The following NBEA variants were observed in gnomAD, a reference collection of about 807,000 sequenced individuals.
NBEA encodes the protein neurobeachin.
Under a neutral mutation model 343.4 loss-of-function variants are expected in NBEA, and 44 were observed. That is an observed-to-expected ratio of 0.13 (90% CI 0.10 to 0.16). NBEA has a LOEUF of 0.16. Among genes scored for constraint, NBEA ranks in the 10% least tolerant of loss-of-function variants. NBEA has a pLI of 1.00. For synonymous variants in NBEA, 1,175 were observed against 1,238.7 expected (o/e 0.95, Z 1.08); for missense variants, 2,555 against 3,631.3 (o/e 0.70, Z 7.62).
In NBEA at chr13:35,105,977, G is replaced by C. The variant is rs1388355611; in HGVS notation, c.1681-3313G>C. On this transcript the variant is annotated intron_variant, in intron 11 of 58. Coordinates refer to ENST00000379939, the MANE Select transcript of NBEA (RefSeq NM_001385012.1). ...TGGAACAATCTCTCTTTATTGAATA[G>C]AAGTTTCTCTTTGTAACCTCTAGTG... Among the ~76,000 whole-genome samples the C allele has an allele frequency of 2.6e-5, 4 of 152,000 alleles. No homozygotes were observed. In the East Asian group the frequency reaches 7.7e-4, roughly 29 times the overall value.
intron 45 of NBEA, among the ~76,000 whole-genome samples, chr13:35,579,447 T>C (rs1593276603): frequency 6.6e-6 from 1 of 152,076 alleles, no homozygotes; most frequent in South Asian, 2.1e-4. Context: ...AGAAAAGGGC[T>C]TGGTACAATA....
intron 17 of NBEA, among the ~76,000 whole-genome samples, chr13:35,127,876 T>C (rs545751501): frequency 6.6e-6 from 1 of 151,894 alleles, no homozygotes; most frequent in East Asian, 1.9e-4. Flanking sequence ...ACATAAAATA[T>C]GAAATATCTA....
intron 55 of NBEA, among the ~76,000 whole-genome samples, chr13:35,660,062 C>G (rs138372207): frequency 2.2e-4 from 33 of 152,238 alleles, no homozygotes; most frequent in African/African-American, 7.9e-4. Flanking sequence ...ATATTACAAC[C>G]CATCTCTGAC....
Position 35,492,442 on chromosome 13 carries a change from G to C in NBEA, c.6585+19906G>C, listed in dbSNP as rs1372699287. On this transcript the variant is annotated intron_variant, in intron 41 of 58. Coordinates refer to ENST00000379939, the MANE Select transcript of NBEA (RefSeq NM_001385012.1). ...TTAAAGGTATTTGAACATATTTAGGGCATAGAGAAAGAAGCCATAGAGGAG... is the reference window on the plus strand; with the variant it reads ...TTAAAGGTATTTGAACATATTTAGGCCATAGAGAAAGAAGCCATAGAGGAG... Among the ~76,000 whole-genome samples, 3 of 151,900 alleles carry C rather than the reference G, an allele frequency of 2.0e-5. No homozygotes were observed. In the East Asian group the frequency reaches 5.8e-4, roughly 29 times the overall value.
intron 55 of NBEA, 30 bp from the exon 56 acceptor site, chr13:35,665,055 T>C (rs749914394): frequency 1.4e-6 from 2 of 1,467,084 alleles, no homozygotes; most frequent in Non-Finnish European, 1.9e-6. Context: ...TATTGGTCTG[T>C]AGTGCCTCAC....
rs146763246 is a variant in NBEA at position 35,545,487 on chromosome 13, G to A, written c.6586-4990G>A. 1.9e-3 allele frequency among the ~76,000 whole-genome samples: 285 copies of A among 152,284 alleles called. 1 individual carries two copies. Among genetic ancestry groups the A allele is most frequent in the African/African-American group, 6.5e-3 (272 of 41,554 alleles). ...TCCAAGGAAGCCACAGTAATCACAT[G>A]TATCTGAGTACCAGTGTTTTATCTT... On this transcript the variant is annotated intron_variant, in intron 41 of 58. Coordinates refer to ENST00000379939, the MANE Select transcript of NBEA (RefSeq NM_001385012.1).
At chr13:35,409,616 TAA>T (rs1313787803) in intron 38 of NBEA, among the ~76,000 whole-genome samples, 1 of 152,194 alleles carries the variant, frequency 6.6e-6, no homozygotes, top group Non-Finnish European at 1.5e-5. Flanking sequence ...TAACTAATAA[TAA>T]GTTATCATAC....
intron 34 of NBEA, among the ~76,000 whole-genome samples, chr13:35,265,895 A>G (rs1182268119): frequency 6.6e-6 from 1 of 151,940 alleles, no homozygotes; most frequent in Non-Finnish European, 1.5e-5. Flanking sequence ...AGCAAAGAAA[A>G]CAAACAACAG....
chr13:35,161,037 TG>T (rs551481959), intron 22 of NBEA, among the ~76,000 whole-genome samples: 28 of 152,280 alleles, frequency 1.8e-4, no homozygotes, highest in African/African-American at 6.3e-4. Context: ...ATATCGTGTG[TG>T]GGGAAAGTAT....
At chr13:35,067,527 G>A (rs2063698819) in intron 8 of NBEA, among the ~76,000 whole-genome samples, 2 of 151,758 alleles carry the variant, frequency 1.3e-5, no homozygotes, top group Admixed American at 6.6e-5. Flanking sequence ...AAAGTTGTGC[G>A]GACATCACTA....
intron 34 of NBEA, among the ~76,000 whole-genome samples, chr13:35,265,523 A>G (rs1467119439): frequency 6.6e-6 from 1 of 151,948 alleles, no homozygotes; most frequent in African/African-American, 2.4e-5. Flanking sequence ...AGACATACAT[A>G]CCAATAGGAT....
rs148137056 is a variant in NBEA, at chr13:35,256,016, C to T, written c.5776+23397C>T. Among the ~76,000 whole-genome samples the T allele has an allele frequency of 4.6e-5, 7 of 152,152 alleles. No homozygotes were observed. The East Asian group carries it at 1.4e-3, about 30-fold the overall frequency. On this transcript the variant is annotated intron_variant, in intron 34 of 58. Coordinates refer to ENST00000379939, the MANE Select transcript of NBEA (RefSeq NM_001385012.1). ...GTCCAGCTGTCAGTGGAAAGGATAC[C>T]TGGAGTGAGTAGCTCCTTTCCACAG...
At chr13:35,339,195 A>T (rs1248612173) in intron 36 of NBEA, among the ~76,000 whole-genome samples, 3 of 152,056 alleles carry the variant, frequency 2.0e-5, no homozygotes, top group African/African-American at 7.2e-5. Flanking sequence ...TAAATTGAAA[A>T]CGAAGAAACA....
intron 33 of NBEA, among the ~76,000 whole-genome samples, chr13:35,228,809 A>T (rs1289290098): frequency 2.0e-5 from 3 of 152,090 alleles, no homozygotes; most frequent in African/African-American, 7.2e-5. Flanking sequence ...GAAAAAATAG[A>T]CTGGGGAGAA....
chr13:35,041,258 C>T, intron 2 of NBEA, 94 bp downstream of exon 2: 3 of 1,013,754 alleles, frequency 3.0e-6, no homozygotes, highest in Non-Finnish European at 2.8e-6. Context: ...GATTTGTTGA[C>T]ATTACTTTGA....
chr13:34,946,563 TTA>T (rs2059190212), intron 1 of NBEA, among the ~76,000 whole-genome samples: 1 of 151,654 alleles, frequency 6.6e-6, no homozygotes, highest in African/African-American at 2.4e-5. Context: ...TGGAATTTAA[TTA>T]TAGACAAATT....
chr13:35,210,092 G>A (rs2073665631), intron 32 of NBEA, among the ~76,000 whole-genome samples: 2 of 151,976 alleles, frequency 1.3e-5, no homozygotes, highest in Admixed American at 1.3e-4. Context: ...ATTCTTGTTA[G>A]GAGTTAGGCA....
chr13:35,171,881 T>G lies in NBEA; in HGVS notation c.4423+429T>G, dbSNP rs146833041. On this transcript the variant is annotated intron_variant, in intron 26 of 58. Coordinates refer to ENST00000379939, the MANE Select transcript of NBEA (RefSeq NM_001385012.1). Reference sequence around the variant, plus strand: ...AAAATAAACTATCCCAATCTTACTGTTTCTTGGGGTGAACAAATGTCCCTA... The same window carrying G: ...AAAATAAACTATCCCAATCTTACTGGTTCTTGGGGTGAACAAATGTCCCTA... Among the ~76,000 whole-genome samples, 149 of 152,104 alleles carry G rather than the reference T, an allele frequency of 9.8e-4. 1 individual carries two copies. Among genetic ancestry groups the G allele is most frequent in the Middle Eastern group, 3.4e-3 (1 of 294 alleles).
At chr13:35,447,187 T>C (rs1452347955) in intron 39 of NBEA, among the ~76,000 whole-genome samples, 1 of 152,100 alleles carries the variant, frequency 6.6e-6, no homozygotes, top group African/African-American at 2.4e-5. Flanking sequence ...GGTAGACATA[T>C]TCTTTGATGT....
Sources: gnomAD v4.1 joint callset for allele counts (sites outside exome capture counted in the v4.1 genomes callset) on GRCh38, gnomAD v4.1.1 for gene constraint, MANE v1.5 for transcripts, NCBI Gene and HGNC (gene_info 2026-07-23, HGNC 2026-07-21) for gene names.